The following TMOD3 variants were observed in gnomAD, a reference collection of about 807,000 sequenced individuals.
TMOD3 encodes tropomodulin 3.
A neutral mutation model predicts 39.2 loss-of-function variants in TMOD3; 20 were observed. The observed-to-expected ratio is 0.51, with a 90% CI of 0.36 to 0.74. The LOEUF is 0.74. Ranked by LOEUF, TMOD3 falls within the 30% of genes least tolerant of loss-of-function variation. The probability of loss-of-function intolerance (pLI) is 0.00; values close to 1 mark genes in which losing one functional copy is unlikely to be tolerated. For missense variants in TMOD3, 381 were observed against 412.8 expected (o/e 0.92, Z 0.67); for synonymous variants, 143 against 145.8 (o/e 0.98, Z 0.14).
intron 3 of TMOD3, among the ~76,000 whole-genome samples, chr15:51,869,815 T>C (rs1300760173): frequency 1.3e-5 from 2 of 152,242 alleles, no homozygotes; most frequent in Non-Finnish European, 2.9e-5. Context: ...TTCATGGTTA[T>C]GATTGCTAAT....
intron 1 of TMOD3, among the ~76,000 whole-genome samples, chr15:51,851,385 A>G (rs1297579227): frequency 1.3e-5 from 2 of 152,224 alleles, no homozygotes; most frequent in African/African-American, 2.4e-5. Flanking sequence ...TTTAGACTCA[A>G]TCTTTTGCAA....
At chr15:51,859,031 A>ATT (rs2056402695) in intron 1 of TMOD3, among the ~76,000 whole-genome samples, 1 of 152,228 alleles carries the variant, frequency 6.6e-6, no homozygotes, top group Non-Finnish European at 1.5e-5. Context: ...TTTTTAAAAA[A>ATT]TTAACAAGTT....
intron 1 of TMOD3, among the ~76,000 whole-genome samples, chr15:51,831,904 C>T (rs985143667): frequency 4.2e-4 from 64 of 152,182 alleles, no homozygotes; most frequent in African/African-American, 1.4e-3. Context: ...AGGCCAGGGC[C>T]GGGCCTGGTG....
intron 7 of TMOD3, 52 bp downstream of exon 7, chr15:51,896,578 A>G: frequency 1.5e-6 from 2 of 1,360,968 alleles, no homozygotes; most frequent in Non-Finnish European, 2.1e-6. Flanking sequence ...AGGGTGTGTT[A>G]CAGTGGTGAT....
intron 1 of TMOD3, chr15:51,861,331 C>T (rs943683137): frequency 5.5e-5 from 13 of 238,074 alleles, no homozygotes; most frequent in Middle Eastern, 7.5e-4. Flanking sequence ...GCTTCTCAAC[C>T]GCGAACACGT....
rs1416721340 is a variant in TMOD3 at position 51,902,642 on chromosome 15, GTATT to G, written c.1024+608_1024+611del. Reference sequence around the variant, plus strand: ...TGCGCGCCGTGCCCAGCTAATTTTTGTATTTTTTTTTTTTTTTTTTTTTTTGAGA... The same window carrying G: ...TGCGCGCCGTGCCCAGCTAATTTTTGTTTTTTTTTTTTTTTTTTTTTGAGA... On this transcript the variant is annotated intron_variant, in intron 9 of 9. Coordinates refer to ENST00000308580, the MANE Select transcript of TMOD3 (RefSeq NM_014547.5). 2.8e-4 allele frequency among the ~76,000 whole-genome samples: 18 copies of G among 63,354 alleles called. 2 individuals are homozygous for G. The highest frequency in any genetic ancestry group is 1.2e-3 in the African/African-American group (17 of 14,398). The allele number at this position is 63,354 out of a possible 152,430, so 41.6% of individuals were successfully genotyped here. A position where few individuals can be genotyped will look rare whatever the true frequency, so the allele number is the denominator to read the frequency against.
At chr15:51,870,015 T>A (rs762719025) in intron 3 of TMOD3, among the ~76,000 whole-genome samples, 5 of 152,132 alleles carry the variant, frequency 3.3e-5, no homozygotes, top group Non-Finnish European at 7.4e-5. Flanking sequence ...CTCGCCTCAC[T>A]GCAACCTCCG....
intron 1 of TMOD3, among the ~76,000 whole-genome samples, chr15:51,836,790 T>G (rs1234448927): frequency 6.6e-6 from 1 of 151,784 alleles, no homozygotes; most frequent in Non-Finnish European, 1.5e-5. Context: ...TCCTGAGATG[T>G]GCACCCTTTT....
Position 51,887,640 on chromosome 15 carries a change from A to C in TMOD3, c.335A>C (p.Lys112Thr). Residue 112 changes from lysine (K) to threonine (T), a missense_variant, in exon 4 of 10, where the codon AAA (lysine) becomes ACA (threonine). By Grantham distance (78) the Lys-to-Thr change is moderately conservative. Transcript: ENST00000308580. ...QKPVQTFTEEKVSLDPELEEA... is the reference protein window; with the variant it reads ...QKPVQTFTEETVSLDPELEEA... Reference sequence around the variant, plus strand: ...CCTGTACAGACTTTTACAGAAGAAAAAGTGTCTCTTGATCCAGAATTAGAA... The same window carrying C: ...CCTGTACAGACTTTTACAGAAGAAACAGTGTCTCTTGATCCAGAATTAGAA... 3 of 1,614,018 alleles carry C rather than the reference A, an allele frequency of 1.9e-6. No homozygotes were observed. Among genetic ancestry groups the C allele is most frequent in the Non-Finnish European group, 2.5e-6 (3 of 1,179,968 alleles).
intron 5 of TMOD3, among the ~76,000 whole-genome samples, chr15:51,890,112 G>A (rs28405926): frequency 1.8e-4 from 27 of 151,040 alleles, no homozygotes; most frequent in African/African-American, 6.6e-4. Context: ...ACAAAAAATC[G>A]ATTATACTGT....
chr15:51,846,931 AG>A (rs758839616), intron 1 of TMOD3, among the ~76,000 whole-genome samples: 3 of 152,220 alleles, frequency 2.0e-5, no homozygotes, highest in Non-Finnish European at 2.9e-5. Flanking sequence ...GGGTATGCTA[AG>A]GGTGTGGCTA....
intron 1 of TMOD3, among the ~76,000 whole-genome samples, chr15:51,847,372 T>A (rs1354491164): frequency 6.6e-6 from 1 of 152,226 alleles, no homozygotes; most frequent in East Asian, 1.9e-4. Flanking sequence ...TTGGTAGCAA[T>A]GGCAGGAAAG....
At chr15:51,886,882 C>T (rs1188648081) in intron 3 of TMOD3, among the ~76,000 whole-genome samples, 2 of 152,164 alleles carry the variant, frequency 1.3e-5, no homozygotes, top group Non-Finnish European at 2.9e-5. Context: ...TCATAATTGT[C>T]TCTGCTATCC....
intron 3 of TMOD3, among the ~76,000 whole-genome samples, chr15:51,876,697 G>A (rs563382415): frequency 1.1e-4 from 17 of 151,896 alleles, no homozygotes; most frequent in East Asian, 1.9e-4. Context: ...TCCTGACCTC[G>A]TGATCCACCT....
At position 51,914,814 on chromosome 15, in the gene TMOD3, C is replaced by G. The variant is rs992264977; in HGVS notation, c.*6004C>G. 1 of 137,904 alleles carries G rather than the reference C, an allele frequency of 7.3e-6. No individual in the cohort carries two copies. The highest frequency in any genetic ancestry group is 1.5e-5 in the Non-Finnish European group (1 of 67,204). 8.5% of individuals were successfully genotyped at this position (137,904 alleles called of 1,614,324 possible). A position where few individuals can be genotyped will look rare whatever the true frequency, so the allele number is the denominator to read the frequency against. On this transcript the variant is annotated 3_prime_UTR_variant, in exon 10 of 10. Coordinates refer to ENST00000308580, the MANE Select transcript of TMOD3 (RefSeq NM_014547.5). The stretch of plus-strand genomic sequence containing the variant: ...TGGTGCGATCTCAGCTCACTGCAAC[C>G]TCCGCCTCCTGGGTTCAGATGATTT...
intron 1 of TMOD3, among the ~76,000 whole-genome samples, chr15:51,862,155 A>G (rs1242801268): frequency 6.6e-6 from 1 of 152,122 alleles, no homozygotes; most frequent in Non-Finnish European, 1.5e-5. Context: ...CAGGAAGGAA[A>G]TGATGATGGT....
At chr15:51,891,166 A>G (rs534867027) in intron 5 of TMOD3, among the ~76,000 whole-genome samples, 10 of 151,958 alleles carry the variant, frequency 6.6e-5, no homozygotes, top group Admixed American at 3.9e-4. Context: ...GGCTCAAAAA[A>G]GGTTACACAC....
intron 1 of TMOD3, among the ~76,000 whole-genome samples, chr15:51,851,967 A>G (rs1276462559): frequency 1.3e-5 from 2 of 152,124 alleles, no homozygotes; most frequent in African/African-American, 4.8e-5. Flanking sequence ...CTTCTGAACC[A>G]TTTCAGTTAG....
At chr15:51,891,847 T>C (rs1348640510) in intron 5 of TMOD3, among the ~76,000 whole-genome samples, 1 of 152,224 alleles carries the variant, frequency 6.6e-6, no homozygotes, top group East Asian at 1.9e-4. Context: ...AGCTTTTCCT[T>C]GTCTTGAACC....
Sources: gnomAD v4.1 joint callset for allele counts (sites outside exome capture counted in the v4.1 genomes callset) on GRCh38, gnomAD v4.1.1 for gene constraint, MANE v1.5 for transcripts, NCBI Gene and HGNC (gene_info 2026-07-23, HGNC 2026-07-21) for gene names.